The following MGRN1 variants were observed in gnomAD, a reference collection of about 807,000 sequenced individuals.
MGRN1 encodes the protein E3 ubiquitin-protein ligase MGRN1.
In MGRN1, 29 loss-of-function variants were observed where a neutral mutation model predicts 69.2. The observed-to-expected ratio is 0.42, with a 90% CI of 0.31 to 0.57. The LOEUF (loss-of-function observed/expected upper bound fraction) is 0.57, where lower values mean the gene tolerates loss of function less well. MGRN1 is among the 20% of genes least tolerant of loss of function. The pLI, the probability that MGRN1 is intolerant of heterozygous loss-of-function variation, is 0.15. For missense variants in MGRN1, 998 were observed against 796.2 expected (o/e 1.25, Z -3.05); for synonymous variants, 470 against 344.2 (o/e 1.37, Z -4.04).
chr16:4,673,000 G>A (rs1015738993), intron 9 of MGRN1, among the ~76,000 whole-genome samples: 14 of 152,028 alleles, frequency 9.2e-5, no homozygotes, highest in East Asian at 7.8e-4. Context: ...CACCATGCCC[G>A]GCTAATTTTT....
chr16:4,647,436 C>G (rs916509178), intron 1 of MGRN1, among the ~76,000 whole-genome samples: 1 of 152,218 alleles, frequency 6.6e-6, no homozygotes, highest in African/African-American at 2.4e-5. Context: ...GGGAAGGCAT[C>G]CTGGGCTCAC....
At chr16:4,667,591 T>G (rs2078833717) in intron 7 of MGRN1, among the ~76,000 whole-genome samples, 1 of 152,226 alleles carries the variant, frequency 6.6e-6, no homozygotes, top group Admixed American at 6.5e-5. Flanking sequence ...TCCAACATTC[T>G]GGAAATTTCT....
At chr16:4,629,765 G>C (rs1384295068) in intron 1 of MGRN1, among the ~76,000 whole-genome samples, 1 of 151,266 alleles carries the variant, frequency 6.6e-6, no homozygotes, top group African/African-American at 2.4e-5. Flanking sequence ...CATACAGGCG[G>C]CTGGGTGTGG....
At chr16:4,662,790 G>C (rs542407775) in intron 5 of MGRN1, among the ~76,000 whole-genome samples, 37 of 152,344 alleles carry the variant, frequency 2.4e-4, no homozygotes, top group African/African-American at 8.4e-4. Flanking sequence ...CAGGGGAGAG[G>C]AGACATCCTA....
chr16:4,658,340 C>G (rs1021380743), intron 5 of MGRN1, among the ~76,000 whole-genome samples: 2 of 150,126 alleles, frequency 1.3e-5, no homozygotes, highest in Non-Finnish European at 3.0e-5. Flanking sequence ...TCAAGACCAT[C>G]CTGGCTAACA....
At chr16:4,686,535 C>A in intron 16 of MGRN1, 1 of 1,364,242 alleles carries the variant, frequency 7.3e-7, no homozygotes, top group Non-Finnish European at 9.4e-7. Flanking sequence ...GTCTCTCCAT[C>A]TGGACTAGGC....
intron 9 of MGRN1, chr16:4,672,629 G>A (rs2078965064): frequency 2.8e-6 from 1 of 359,312 alleles, no homozygotes; most frequent in Non-Finnish European, 5.5e-6. Context: ...ACTCCACGCT[G>A]CCATTACAAC....
intron 6 of MGRN1, among the ~76,000 whole-genome samples, 163 bp downstream of exon 6, chr16:4,664,938 G>A (rs1203023915): frequency 6.6e-6 from 1 of 152,234 alleles, no homozygotes; most frequent in Non-Finnish European, 1.5e-5. Flanking sequence ...GGCAGGTGAG[G>A]AGGTGGAAAG....
chr16:4,639,173 C>T (rs2078102720), intron 1 of MGRN1, among the ~76,000 whole-genome samples: 1 of 152,118 alleles, frequency 6.6e-6, no homozygotes, highest in Non-Finnish European at 1.5e-5. Context: ...CATGAGGATG[C>T]GGGGCCGTGG....
rs867880460 is a variant in MGRN1, at chr16:4,680,075, G to T, written c.1109G>T (p.Ser370Ile). The T allele has an allele frequency of 6.2e-7, 1 of 1,614,098 alleles. No individual in the cohort carries two copies. The highest frequency in any genetic ancestry group is 8.5e-7 in the Non-Finnish European group (1 of 1,179,960). Reference sequence around the variant, plus strand: ...AAGCCGCACCCCGCCTCCCTGGCCAGCAAGAAACCTAAAAGGGAAACAGTA... The same window carrying T: ...AAGCCGCACCCCGCCTCCCTGGCCATCAAGAAACCTAAAAGGGAAACAGTA... ...KSKPHPASLA[S>I]KKPKRETNSD... The change falls in exon 12 of 17, where the codon AGC (serine) becomes ATC (isoleucine). Residue 370 changes from serine (S) to isoleucine (I), a missense_variant. Coordinates refer to ENST00000262370, the MANE Select transcript of MGRN1 (RefSeq NM_015246.4).
Position 4,624,969 on chromosome 16 carries a change from C to T in MGRN1, c.9C>T (p.Ser3=). 2 of 1,552,024 alleles carry T rather than the reference C, an allele frequency of 1.3e-6. No homozygotes were observed. Among genetic ancestry groups the T allele is most frequent in the Non-Finnish European group, 1.7e-6 (2 of 1,151,980 alleles). MG[S]ILSRRIAGVE... ...CGGCAGCGCCGCGCACCATGGGCTC[C>T]ATTCTCAGCCGCCGCATCGCGGGGG... The change falls in exon 1 of 17, where the codon TCC becomes TCT. Residue 3 remains serine (S), a synonymous_variant. Transcript: ENST00000262370.
chr16:4,680,757 A>G (rs940099460), intron 12 of MGRN1: 2 of 152,372 alleles, frequency 1.3e-5, no homozygotes, highest in African/African-American at 4.8e-5. Context: ...GAGGTCCAGA[A>G]AAGCATCCCG....
intron 7 of MGRN1, among the ~76,000 whole-genome samples, chr16:4,667,311 C>G (rs1180576811): frequency 2.0e-5 from 3 of 152,264 alleles, no homozygotes; most frequent in Non-Finnish European, 4.4e-5. Flanking sequence ...ACCCTCTCCT[C>G]TGTGTGTCCT....
In MGRN1 at chr16:4,690,531, C is replaced by G; in HGVS notation, c.*1623C>G. The G allele has an allele frequency of 6.6e-6, 1 of 152,620 alleles. No individual in the cohort carries two copies. Among genetic ancestry groups the G allele is most frequent in the Admixed American group, 6.5e-5 (1 of 15,288 alleles). 9.5% of individuals were successfully genotyped at this position (152,620 alleles called of 1,614,324 possible). On this transcript the variant is annotated 3_prime_UTR_variant, in exon 17 of 17. Coordinates refer to ENST00000262370, the MANE Select transcript of MGRN1 (RefSeq NM_015246.4). The stretch of plus-strand genomic sequence containing the variant: ...AGGCCAGCCACCCCTCCCGCTCGTG[C>G]ACAGGCACGCAGATGCGCTCACACG...
chr16:4,677,392 TGGGGCTGGGAGGGTCCCCTC>T, intron 10 of MGRN1, 51 bp from the exon 11 acceptor site: 2 of 1,263,906 alleles, frequency 1.6e-6, no homozygotes, highest in Non-Finnish European at 2.1e-6. Context: ...TGTTGATCCC[TGGGGCTGGGAGGGTCCCCTC>T]GGGGCTGGGT....
At chr16:4,636,660 A>G (rs1462227297) in intron 1 of MGRN1, among the ~76,000 whole-genome samples, 2 of 152,152 alleles carry the variant, frequency 1.3e-5, no homozygotes, top group African/African-American at 4.8e-5. Context: ...GGCACTAGGT[A>G]GGGTGAGGGG....
At chr16:4,686,178 C>A in intron 16 of MGRN1, 1 of 1,495,656 alleles carries the variant, frequency 6.7e-7, no homozygotes, top group South Asian at 1.2e-5. Context: ...TGTCCCCAAG[C>A]TGGTGCCCTT....
intron 9 of MGRN1, 135 bp from the exon 10 acceptor site, chr16:4,673,363 C>T: frequency 1.7e-6 from 2 of 1,205,104 alleles, no homozygotes; most frequent in Non-Finnish European, 2.3e-6. Flanking sequence ...CAACCTCCCC[C>T]TCCCCTCTGG....
chr16:4,685,138 T>TA (rs1475780681), intron 16 of MGRN1, among the ~76,000 whole-genome samples: 4 of 152,248 alleles, frequency 2.6e-5, no homozygotes, highest in African/African-American at 9.6e-5. Context: ...CAGCTTACCT[T>TA]AAAGTGACAC....
Sources: gnomAD v4.1 joint callset for allele counts (sites outside exome capture counted in the v4.1 genomes callset) on GRCh38, gnomAD v4.1.1 for gene constraint, MANE v1.5 for transcripts, NCBI Gene and HGNC (gene_info 2026-07-23, HGNC 2026-07-21) for gene names.